The following NLGN1 variants were observed in gnomAD, a reference collection of about 807,000 sequenced individuals.
The protein encoded by NLGN1 is neuroligin 1.
A neutral mutation model predicts 65.5 loss-of-function variants in NLGN1; 12 were observed. The ratio of observed to expected loss-of-function variants is 0.18; its 90% CI spans 0.12 to 0.30. NLGN1 has a LOEUF of 0.30. Ranked by LOEUF, NLGN1 falls within the 10% of genes least tolerant of loss-of-function variation. The pLI is 1.00. For synonymous variants in NLGN1, 350 were observed against 359.5 expected (o/e 0.97, Z 0.30); for missense variants, 750 against 1,007.1 (o/e 0.74, Z 3.46).
At chr3:174,004,042 T>C (rs1372042341) in intron 4 of NLGN1, among the ~76,000 whole-genome samples, 1 of 152,172 alleles carries the variant, frequency 6.6e-6, no homozygotes, top group East Asian at 1.9e-4. Flanking sequence ...TCTTTTTCCA[T>C]GTCTGTGGAT....
At chr3:173,807,978 A>G (rs1488547) in intron 4 of NLGN1, 146 bp downstream of exon 4, 486,179 of 714,688 alleles carry the variant, frequency 0.68, 171,304 homozygotes, top group Non-Finnish European at 0.75. Flanking sequence ...TTATAGTTTC[A>G]ATGAATTCTA....
intron 2 of NLGN1, among the ~76,000 whole-genome samples, chr3:173,461,734 C>T (rs890671308): frequency 6.6e-6 from 1 of 152,064 alleles, no homozygotes; most frequent in Admixed American, 6.6e-5. Flanking sequence ...TATGATGTAA[C>T]CTGAAAATAT....
chr3:173,650,965 G>A (rs1253843754), intron 3 of NLGN1, among the ~76,000 whole-genome samples: 1 of 151,518 alleles, frequency 6.6e-6, no homozygotes, highest in Non-Finnish European at 1.5e-5. Flanking sequence ...AGGAGTACAA[G>A]TGCATTTTTG....
At chr3:173,617,563 A>G (rs1302688711) in intron 3 of NLGN1, among the ~76,000 whole-genome samples, 2 of 152,150 alleles carry the variant, frequency 1.3e-5, no homozygotes, top group Non-Finnish European at 2.9e-5. Context: ...GTGCTCCCCA[A>G]ATGAAGTAAA....
chr3:174,238,325 A>ATT (rs35613869), intron 4 of NLGN1, among the ~76,000 whole-genome samples: 1 of 148,080 alleles, frequency 6.8e-6, no homozygotes, highest in South Asian at 2.1e-4. Flanking sequence ...TTTCTTTTTT[A>ATT]TTTTTTTTTA....
intron 2 of NLGN1, among the ~76,000 whole-genome samples, chr3:173,490,487 G>A (rs1728929688): frequency 6.6e-6 from 1 of 152,072 alleles, no homozygotes; most frequent in Non-Finnish European, 1.5e-5. Context: ...TGCTGTTTTG[G>A]TTACTGTAGC....
chr3:174,184,832 A>G (rs1403946255), intron 4 of NLGN1, among the ~76,000 whole-genome samples: 1 of 152,074 alleles, frequency 6.6e-6, no homozygotes, highest in East Asian at 1.9e-4. Context: ...GAAAAGTTCT[A>G]CCCAGACATG....
At chr3:173,768,152 A>G (rs1049377691) in intron 3 of NLGN1, among the ~76,000 whole-genome samples, 1 of 152,178 alleles carries the variant, frequency 6.6e-6, no homozygotes, top group Non-Finnish European at 1.5e-5. Flanking sequence ...TAACCAATAT[A>G]TATTATAAAA....
chr3:173,465,561 T>C (rs1417669891), intron 2 of NLGN1, among the ~76,000 whole-genome samples: 3 of 152,132 alleles, frequency 2.0e-5, no homozygotes, highest in African/African-American at 7.2e-5. Context: ...AAGTAGGTAG[T>C]TAGAAATGTC....
At chr3:173,867,248 C>A (rs1045158637) in intron 4 of NLGN1, among the ~76,000 whole-genome samples, 1 of 152,070 alleles carries the variant, frequency 6.6e-6, no homozygotes, top group African/African-American at 2.4e-5. Flanking sequence ...TAGTTTCAAC[C>A]GAGCAAGAAA....
At chr3:173,662,784 C>T (rs73176509) in intron 3 of NLGN1, among the ~76,000 whole-genome samples, 6,774 of 152,032 alleles carry the variant, frequency 0.045, 230 homozygotes, top group Middle Eastern at 0.15. Context: ...ATCTCTATTA[C>T]ATAAAGACTA....
chr3:173,933,332 T>C (rs1175854462), intron 4 of NLGN1, among the ~76,000 whole-genome samples: 6 of 152,058 alleles, frequency 3.9e-5, no homozygotes, highest in African/African-American at 1.2e-4. Context: ...CTTCAAAAGA[T>C]AAATATGAGC....
intron 2 of NLGN1, among the ~76,000 whole-genome samples, chr3:173,559,635 C>T (rs145289430): frequency 4.7e-4 from 72 of 152,200 alleles, no homozygotes; most frequent in African/African-American, 8.4e-4. Context: ...GTAGAAAGCC[C>T]ACCAGCAAGT....
At chr3:174,238,007 T>A (rs1742065776) in intron 4 of NLGN1, among the ~76,000 whole-genome samples, 1 of 152,224 alleles carries the variant, frequency 6.6e-6, no homozygotes, top group South Asian at 2.1e-4. Flanking sequence ...CCTGTATAGT[T>A]GACAGTAGGA....
chr3:173,509,826 A>G (rs988346774), intron 2 of NLGN1, among the ~76,000 whole-genome samples: 2 of 152,180 alleles, frequency 1.3e-5, no homozygotes, highest in Non-Finnish European at 2.9e-5. Flanking sequence ...TTGAATTTTA[A>G]AAGTATTATT....
At chr3:174,101,980 T>G (rs1490110375) in intron 4 of NLGN1, among the ~76,000 whole-genome samples, 2 of 152,140 alleles carry the variant, frequency 1.3e-5, no homozygotes, top group African/African-American at 4.8e-5. Flanking sequence ...GAAAGATGTG[T>G]TATGGAGTAG....
chr3:174,207,114 T>G (rs1735557950), intron 4 of NLGN1, among the ~76,000 whole-genome samples: 2 of 152,048 alleles, frequency 1.3e-5, no homozygotes, highest in Non-Finnish European at 2.9e-5. Context: ...CTTTTTCTTC[T>G]TCTTCCAGAG....
At chr3:173,654,144 A>G (rs923345940) in intron 3 of NLGN1, among the ~76,000 whole-genome samples, 1 of 152,178 alleles carries the variant, frequency 6.6e-6, no homozygotes, top group Non-Finnish European at 1.5e-5. Context: ...CTGTTGTTAT[A>G]AGCCAGAAAA....
chr3:173,402,947 C>T (rs970671440), intron 1 of NLGN1, among the ~76,000 whole-genome samples: 5 of 152,198 alleles, frequency 3.3e-5, no homozygotes, highest in African/African-American at 1.2e-4. Flanking sequence ...AATCAGAGCT[C>T]TGTTAACTGG....
Sources: gnomAD v4.1 joint callset for allele counts (sites outside exome capture counted in the v4.1 genomes callset) on GRCh38, gnomAD v4.1.1 for gene constraint, MANE v1.5 for transcripts, NCBI Gene and HGNC (gene_info 2026-07-23, HGNC 2026-07-21) for gene names.